The following LRRC4C variants were observed in gnomAD, a reference collection of about 807,000 sequenced individuals.
LRRC4C encodes the protein leucine-rich repeat-containing protein 4C.
LRRC4C carries 5 observed loss-of-function variants against 33.6 expected under a neutral mutation model. That is an observed-to-expected ratio of 0.15 (90% CI 0.08 to 0.31). The LOEUF is 0.31. Ranked by LOEUF, LRRC4C falls within the 10% of genes least tolerant of loss-of-function variation. LRRC4C has a pLI of 1.00. For synonymous variants in LRRC4C, 329 were observed against 302.0 expected, an observed-to-expected ratio of 1.09 and a Z score of -0.93; for missense variants, 560 against 796.7, an observed-to-expected ratio of 0.70 and a Z score of 3.58.
At chr11:41,098,791 A>G (rs1334355631) in intron 1 of LRRC4C, among the ~76,000 whole-genome samples, 3 of 152,146 alleles carry the variant, frequency 2.0e-5, no homozygotes, top group Non-Finnish European at 2.9e-5. Flanking sequence ...TAGAAAAGCA[A>G]GAGAAAACCA....
chr11:40,570,970 T>C (rs1265937374), intron 3 of LRRC4C, among the ~76,000 whole-genome samples: 1 of 152,198 alleles, frequency 6.6e-6, no homozygotes, highest in Admixed American at 6.5e-5. Context: ...TATAATACTT[T>C]CTTTTGTTTA....
At chr11:40,181,070 G>A (rs1346063411) in intron 5 of LRRC4C, among the ~76,000 whole-genome samples, 2 of 152,228 alleles carry the variant, frequency 1.3e-5, no homozygotes, top group South Asian at 4.2e-4. Context: ...AAGATGTTTT[G>A]TCGTAATGGT....
At chr11:40,405,014 A>T (rs1949907849) in intron 3 of LRRC4C, among the ~76,000 whole-genome samples, 1 of 152,064 alleles carries the variant, frequency 6.6e-6, no homozygotes, top group Non-Finnish European at 1.5e-5. Context: ...TATTAACTAG[A>T]GTCCTCATTA....
At chr11:40,334,344 G>A (rs1946500627) in intron 3 of LRRC4C, among the ~76,000 whole-genome samples, 1 of 151,788 alleles carries the variant, frequency 6.6e-6, no homozygotes. Flanking sequence ...AAAAAAGTAA[G>A]CCAATGGGTA....
intron 3 of LRRC4C, among the ~76,000 whole-genome samples, chr11:40,443,127 A>C (rs777577819): frequency 5.3e-5 from 8 of 152,184 alleles, no homozygotes; most frequent in Non-Finnish European, 1.0e-4. Context: ...TATATGATCA[A>C]TCAGGCATCT....
intron 2 of LRRC4C, among the ~76,000 whole-genome samples, chr11:40,905,303 T>G (rs1322249602): frequency 6.6e-6 from 1 of 151,776 alleles, no homozygotes; most frequent in African/African-American, 2.4e-5. Flanking sequence ...TTCTCTCCAC[T>G]CCCAGTTTCA....
At chr11:40,915,307 T>C (rs1592081104) in intron 2 of LRRC4C, among the ~76,000 whole-genome samples, 1 of 152,244 alleles carries the variant, frequency 6.6e-6, no homozygotes, top group Middle Eastern at 3.4e-3. Flanking sequence ...ACTACAAGGC[T>C]ACAGTAACCA....
chr11:41,206,969 T>C (rs1160874838), intron 1 of LRRC4C, among the ~76,000 whole-genome samples: 1 of 152,090 alleles, frequency 6.6e-6, no homozygotes, highest in Non-Finnish European at 1.5e-5. Flanking sequence ...TGCTATACAC[T>C]ATATATATAT....
intron 2 of LRRC4C, among the ~76,000 whole-genome samples, chr11:40,894,533 A>G (rs1955853980): frequency 6.6e-6 from 1 of 152,182 alleles, no homozygotes; most frequent in African/African-American, 2.4e-5. Flanking sequence ...AAAGAATTTG[A>G]TTATGGGATT....
intron 1 of LRRC4C, among the ~76,000 whole-genome samples, chr11:41,272,732 A>G (rs1445901343): frequency 6.6e-6 from 1 of 152,188 alleles, no homozygotes; most frequent in African/African-American, 2.4e-5. Context: ...TTCAAAAAAG[A>G]AGGTATGCTT....
intron 6 of LRRC4C, among the ~76,000 whole-genome samples, chr11:40,131,211 A>G (rs570368200): frequency 1.8e-3 from 275 of 152,326 alleles, no homozygotes; most frequent in Non-Finnish European, 2.9e-3. Context: ...AACATAATGT[A>G]TTGAAGTCCA....
intron 1 of LRRC4C, among the ~76,000 whole-genome samples, chr11:41,251,384 C>T (rs769690737): frequency 6.6e-6 from 1 of 152,196 alleles, no homozygotes; most frequent in African/African-American, 2.4e-5. Context: ...CTGTTTCTTT[C>T]TCCCACAAGT....
At chr11:40,565,166 G>A (rs1283921433) in intron 3 of LRRC4C, among the ~76,000 whole-genome samples, 2 of 152,110 alleles carry the variant, frequency 1.3e-5, no homozygotes, top group Non-Finnish European at 2.9e-5. Context: ...CTTCTTCAAT[G>A]TTTCCTCTCA....
At chr11:41,243,652 G>A (rs1948338725) in intron 1 of LRRC4C, among the ~76,000 whole-genome samples, 2 of 152,102 alleles carry the variant, frequency 1.3e-5, no homozygotes, top group African/African-American at 2.4e-5. Context: ...TTCCTGGAAG[G>A]TGAATGTGAT....
intron 1 of LRRC4C, among the ~76,000 whole-genome samples, chr11:41,088,612 T>C (rs1940176662): frequency 6.6e-6 from 1 of 152,120 alleles, no homozygotes; most frequent in Non-Finnish European, 1.5e-5. Flanking sequence ...AGAACCATAC[T>C]CTACTCTCAA....
At chr11:41,161,730 T>G (rs928777928) in intron 1 of LRRC4C, among the ~76,000 whole-genome samples, 1 of 152,216 alleles carries the variant, frequency 6.6e-6, no homozygotes, top group Non-Finnish European at 1.5e-5. Context: ...CTTATGTGCA[T>G]GTGAAATAAA....
At chr11:41,369,419 GA>G (rs1295804096) in intron 1 of LRRC4C, among the ~76,000 whole-genome samples, 2 of 151,440 alleles carry the variant, frequency 1.3e-5, no homozygotes, top group East Asian at 3.9e-4. Flanking sequence ...AAGAGGATCA[GA>G]AAAAAATAAG....
intron 5 of LRRC4C, among the ~76,000 whole-genome samples, chr11:40,143,554 C>A (rs1480823954): frequency 6.6e-6 from 1 of 152,090 alleles, no homozygotes; most frequent in African/African-American, 2.4e-5. Context: ...TGCCCTTCAC[C>A]CAGACAGACC....
At chr11:40,619,147 T>C (rs1438703646) in intron 3 of LRRC4C, among the ~76,000 whole-genome samples, 1 of 151,560 alleles carries the variant, frequency 6.6e-6, no homozygotes, top group Non-Finnish European at 1.5e-5. Flanking sequence ...GTAGTGGGGG[T>C]TGGGGGAGAT....
Sources: gnomAD v4.1 joint callset for allele counts (sites outside exome capture counted in the v4.1 genomes callset) on GRCh38, gnomAD v4.1.1 for gene constraint, MANE v1.5 for transcripts, NCBI Gene and HGNC (gene_info 2026-07-23, HGNC 2026-07-21) for gene names.